Variants in KLHL1 observed in about 807,000 individuals in gnomAD.
KLHL1 encodes the protein kelch-like protein 1.
Under a neutral mutation model 77.7 loss-of-function variants are expected in KLHL1, and 47 were observed. The ratio of observed to expected loss-of-function variants is 0.60; its 90% confidence interval spans 0.48 to 0.77. The LOEUF (loss-of-function observed/expected upper bound fraction) is 0.77, where lower values mean the gene tolerates loss of function less well. KLHL1 is among the 30% of genes least tolerant of loss of function. The pLI is 0.00. For missense variants in KLHL1, 925 were observed against 910.8 expected (o/e 1.02, Z -0.20); for synonymous variants, 360 against 325.2 (o/e 1.11, Z -1.15).
intron 4 of KLHL1, among the ~76,000 whole-genome samples, chr13:69,906,927 T>G (rs1329321313): frequency 6.6e-6 from 1 of 152,042 alleles, no homozygotes; most frequent in African/African-American, 2.4e-5. Flanking sequence ...TACCATATTT[T>G]GAAATCATCT....
chr13:69,783,733 G>A lies in KLHL1; in HGVS notation c.1639+13005C>T, dbSNP rs1397317265. Among the ~76,000 whole-genome samples, 2 of 130,184 alleles carry A rather than the reference G, an allele frequency of 1.5e-5. 1 individual carries two copies. The highest frequency in any genetic ancestry group is 4.2e-4 in the East Asian group (2 of 4,738). 85.4% of individuals were successfully genotyped at this position (130,184 alleles called of 152,430 possible). A position where few individuals can be genotyped will look rare whatever the true frequency, so the allele number is the denominator to read the frequency against. Reference sequence around the variant, plus strand: ...TGTACCTGAAAGTGACGGGGACAATGGAACCAAGTTGGAAAACACTCTGCG... The same window carrying A: ...TGTACCTGAAAGTGACGGGGACAATAGAACCAAGTTGGAAAACACTCTGCG... On this transcript the variant is annotated intron_variant, in intron 7 of 10. Transcript: ENST00000377844.
chr13:69,953,614 G>T (rs192814326), intron 3 of KLHL1, among the ~76,000 whole-genome samples: 1 of 150,986 alleles, frequency 6.6e-6, no homozygotes, highest in East Asian at 1.9e-4. Context: ...GATAAAATAT[G>T]ATAAAATCAT....
At chr13:69,730,782 G>A (rs757579161) in intron 8 of KLHL1, among the ~76,000 whole-genome samples, 6 of 151,920 alleles carry the variant, frequency 3.9e-5, no homozygotes, top group Admixed American at 1.3e-4. Flanking sequence ...GTCTCACTAC[G>A]TTGCCCAGGC....
At chr13:69,820,328 G>C (rs12428263) in intron 6 of KLHL1, among the ~76,000 whole-genome samples, 25,345 of 152,052 alleles carry the variant, frequency 0.17, 3,233 homozygotes, top group African/African-American at 0.35. Flanking sequence ...ACATTAAGCA[G>C]AAATTTTACT....
chr13:69,960,293 T>C (rs1884025132), intron 3 of KLHL1, among the ~76,000 whole-genome samples: 1 of 151,534 alleles, frequency 6.6e-6, no homozygotes, highest in East Asian at 2.0e-4. Context: ...AGAAATGCTG[T>C]AAAAAATAAA....
At chr13:69,988,145 CTGT>C (rs1045219621) in intron 1 of KLHL1, among the ~76,000 whole-genome samples, 2 of 151,956 alleles carry the variant, frequency 1.3e-5, no homozygotes, top group Admixed American at 1.3e-4. Context: ...GCCCCAGTGT[CTGT>C]TGTTCTGTTT....
chr13:69,813,556 C>T (rs1877991996), intron 6 of KLHL1, among the ~76,000 whole-genome samples: 1 of 151,590 alleles, frequency 6.6e-6, no homozygotes, highest in South Asian at 2.1e-4. Flanking sequence ...GGCAAAATTT[C>T]AGGATGCAGA....
chr13:69,949,200 T>C lies in KLHL1; in HGVS notation c.818-8964A>G, dbSNP rs144022028. On this transcript the variant is annotated intron_variant, in intron 3 of 10. Coordinates refer to ENST00000377844, the MANE Select transcript of KLHL1 (RefSeq NM_020866.3). ...GTGTACTTCCTTTACATTCCTTAGATTTTTTTTTCTTTTCTTACCTAATGT... is the reference window on the plus strand; with the variant it reads ...GTGTACTTCCTTTACATTCCTTAGACTTTTTTTTCTTTTCTTACCTAATGT... 5.4e-3 allele frequency among the ~76,000 whole-genome samples: 814 copies of C among 149,522 alleles called. 6 individuals carry two copies. The highest frequency in any genetic ancestry group is 8.6e-3 in the Non-Finnish European group (584 of 67,682).
chr13:69,830,609 T>C (rs1202122445), intron 6 of KLHL1, among the ~76,000 whole-genome samples: 1 of 150,240 alleles, frequency 6.7e-6, no homozygotes, highest in Non-Finnish European at 1.5e-5. Context: ...TTAACAGATA[T>C]TTAGAGAACA....
intron 7 of KLHL1, among the ~76,000 whole-genome samples, chr13:69,749,982 G>T (rs1419499183): frequency 6.6e-6 from 1 of 151,760 alleles, no homozygotes; most frequent in East Asian, 1.9e-4. Context: ...CTGTTTGCCT[G>T]TTAGCCATTA....
intron 5 of KLHL1, among the ~76,000 whole-genome samples, chr13:69,879,146 T>C (rs1880883970): frequency 6.6e-6 from 1 of 152,100 alleles, no homozygotes; most frequent in African/African-American, 2.4e-5. Context: ...ATGGCACATG[T>C]ATACATATGT....
chr13:69,837,823 T>A (rs74090489), intron 6 of KLHL1, among the ~76,000 whole-genome samples: 12,126 of 151,172 alleles, frequency 0.08, 921 homozygotes, highest in African/African-American at 0.2. Context: ...AGGCTTTCCT[T>A]CTTCAATAAT....
At chr13:69,740,667 G>T in intron 7 of KLHL1, 111 bp from the exon 8 acceptor site, 1 of 681,250 alleles carries the variant, frequency 1.5e-6, no homozygotes, top group Non-Finnish European at 2.2e-6. Context: ...ATAATAAAAT[G>T]AAAAAAAATT....
intron 1 of KLHL1, among the ~76,000 whole-genome samples, chr13:70,080,525 T>C (rs1566558868): frequency 1.3e-5 from 2 of 152,306 alleles, no homozygotes; most frequent in East Asian, 3.9e-4. Flanking sequence ...CAAAATAATA[T>C]ATTGGCCAGT....
At chr13:69,944,171 A>C (rs1883447255) in intron 3 of KLHL1, among the ~76,000 whole-genome samples, 1 of 152,230 alleles carries the variant, frequency 6.6e-6, no homozygotes. Flanking sequence ...GTATATGAGC[A>C]ACACCTTTTT....
chr13:69,852,220 G>A (rs571800166), intron 5 of KLHL1, among the ~76,000 whole-genome samples: 10 of 152,022 alleles, frequency 6.6e-5, no homozygotes, highest in African/African-American at 2.4e-4. Context: ...GGATACATCT[G>A]CAAGGCTCCT....
At chr13:70,078,539 G>A (rs1292048107) in intron 1 of KLHL1, among the ~76,000 whole-genome samples, 1 of 152,034 alleles carries the variant, frequency 6.6e-6, no homozygotes, top group African/African-American at 2.4e-5. Flanking sequence ...GAAGGGTATT[G>A]GCTTGGCAGT....
intron 5 of KLHL1, among the ~76,000 whole-genome samples, chr13:69,850,250 T>C (rs943121611): frequency 2.0e-5 from 3 of 151,626 alleles, no homozygotes; most frequent in African/African-American, 4.8e-5. Flanking sequence ...TTTTTATTGA[T>C]GATTTAGGGT....
intron 4 of KLHL1, among the ~76,000 whole-genome samples, chr13:69,882,991 C>A (rs1881059231): frequency 6.6e-6 from 1 of 152,104 alleles, no homozygotes; most frequent in Admixed American, 6.5e-5. Context: ...CCAGCAAGTT[C>A]CATCCTGCTA....
Sources: allele counts gnomAD v4.1 joint callset (sites outside exome capture counted in the v4.1 genomes callset), GRCh38; gene constraint gnomAD v4.1.1; transcripts MANE v1.5; gene names NCBI Gene and HGNC (gene_info 2026-07-23, HGNC 2026-07-21).